The following ACVR1C variants were observed in gnomAD, a reference collection of about 807,000 sequenced individuals.
ACVR1C encodes the protein activin A receptor type 1C.
A neutral mutation model predicts 57.9 loss-of-function variants in ACVR1C; 23 were observed. The observed-to-expected ratio is 0.40, with a 90% CI of 0.29 to 0.56. The LOEUF (loss-of-function observed/expected upper bound fraction) is 0.56, where lower values mean the gene tolerates loss of function less well. ACVR1C is among the 20% of genes least tolerant of loss of function. ACVR1C has a pLI of 0.50. For synonymous variants in ACVR1C, 214 were observed against 215.3 expected (o/e 0.99, Z 0.05); for missense variants, 480 against 607.9 (o/e 0.79, Z 2.21).
At chr2:157,603,804 AT>A (rs1682331543) in intron 1 of ACVR1C, among the ~76,000 whole-genome samples, 1 of 152,144 alleles carries the variant, frequency 6.6e-6, no homozygotes, top group African/African-American at 2.4e-5. Flanking sequence ...ACATTTTAAT[AT>A]GTACAGAAAT....
chr2:157,614,156 A>G (rs1682592433), intron 1 of ACVR1C, among the ~76,000 whole-genome samples: 1 of 152,146 alleles, frequency 6.6e-6, no homozygotes, highest in Non-Finnish European at 1.5e-5. Context: ...ACAAAATGCA[A>G]TATTCCTTTA....
intron 1 of ACVR1C, among the ~76,000 whole-genome samples, chr2:157,600,767 G>A (rs541936237): frequency 2.0e-5 from 3 of 152,274 alleles, no homozygotes; most frequent in African/African-American, 7.2e-5. Context: ...TGATTTGGAA[G>A]GATCTTTTTG....
intron 1 of ACVR1C, among the ~76,000 whole-genome samples, chr2:157,611,573 G>A (rs773759005): frequency 6.6e-6 from 1 of 152,204 alleles, no homozygotes; most frequent in Non-Finnish European, 1.5e-5. Context: ...TAGGCTTGTT[G>A]TGGGCAATGG....
At chr2:157,624,721 G>A (rs571163579) in intron 1 of ACVR1C, among the ~76,000 whole-genome samples, 66 of 152,262 alleles carry the variant, frequency 4.3e-4, no homozygotes, top group Admixed American at 3.9e-3. Context: ...TAGAACAGGC[G>A]AGGGTTTTAG....
At chr2:157,558,363 G>C (rs1204590919) in intron 2 of ACVR1C, among the ~76,000 whole-genome samples, 1 of 152,176 alleles carries the variant, frequency 6.6e-6, no homozygotes, top group Non-Finnish European at 1.5e-5. Flanking sequence ...ATGCTAAAGA[G>C]CTTAATATCT....
intron 2 of ACVR1C, among the ~76,000 whole-genome samples, chr2:157,570,616 T>G (rs1378823201): frequency 3.6e-5 from 2 of 55,950 alleles, no homozygotes; most frequent in African/African-American, 8.1e-5. Context: ...CATTCACAAT[T>G]GCTTCAAAGA....
chr2:157,554,201 G>GAGAGAGAGAAAGAA (rs1553481316), intron 3 of ACVR1C, among the ~76,000 whole-genome samples: 8 of 41,442 alleles, frequency 1.9e-4, no homozygotes, highest in African/African-American at 1.1e-3. Flanking sequence ...ATAAAGAAGA[G>GAGAGAGAGAAAGAA]AGAAAGAAAG....
intron 1 of ACVR1C, among the ~76,000 whole-genome samples, chr2:157,605,829 T>C (rs774148907): frequency 2.0e-5 from 3 of 151,678 alleles, no homozygotes; most frequent in Non-Finnish European, 3.0e-5. Flanking sequence ...CTAGTTACTT[T>C]GAAATATACA....
chr2:157,526,770 G>A lies in ACVR1C; in HGVS notation c.*7148C>T, dbSNP rs1270861384. 2.6e-5 allele frequency: 4 copies of A among 151,926 alleles called. No individual in the cohort carries two copies. The highest frequency in any genetic ancestry group is 4.4e-5 in the Non-Finnish European group (3 of 67,980). 9.4% of individuals were successfully genotyped at this position (151,926 alleles called of 1,614,324 possible). On this transcript the variant is annotated 3_prime_UTR_variant, in exon 9 of 9. Transcript: ENST00000243349. ...CATAATTATATAAAAACCAAAATACGACACATCTTCCTTTATTTAAAATAG... is the reference window on the plus strand; with the variant it reads ...CATAATTATATAAAAACCAAAATACAACACATCTTCCTTTATTTAAAATAG...
At chr2:157,536,484 T>C (rs1190711214) in intron 8 of ACVR1C, among the ~76,000 whole-genome samples, 3 of 152,182 alleles carry the variant, frequency 2.0e-5, no homozygotes, top group African/African-American at 7.2e-5. Context: ...TAATGGAAGA[T>C]AGGTAATAGT....
intron 1 of ACVR1C, among the ~76,000 whole-genome samples, chr2:157,588,407 T>C (rs1453572417): frequency 1.3e-5 from 2 of 151,974 alleles, no homozygotes; most frequent in African/African-American, 4.8e-5. Flanking sequence ...AATAGTATAA[T>C]ACTAAATAAG....
intron 1 of ACVR1C, among the ~76,000 whole-genome samples, chr2:157,602,350 T>C (rs1390252934): frequency 6.6e-6 from 1 of 152,210 alleles, no homozygotes; most frequent in Non-Finnish European, 1.5e-5. Flanking sequence ...AGAAAATTAA[T>C]GCAAAGACAT....
At chr2:157,597,841 T>A (rs920064258) in intron 1 of ACVR1C, among the ~76,000 whole-genome samples, 5 of 152,206 alleles carry the variant, frequency 3.3e-5, no homozygotes, top group Admixed American at 2.0e-4. Context: ...CCTCCACTCG[T>A]GAACGCCCTT....
intron 1 of ACVR1C, among the ~76,000 whole-genome samples, chr2:157,608,487 C>T (rs1044366985): frequency 2.0e-5 from 3 of 151,668 alleles, no homozygotes; most frequent in Non-Finnish European, 4.4e-5. Context: ...CAGGGTATTG[C>T]TGGCCTTAAA....
intron 4 of ACVR1C, among the ~76,000 whole-genome samples, chr2:157,547,937 T>G (rs1250337883): frequency 6.6e-6 from 1 of 151,860 alleles, no homozygotes; most frequent in South Asian, 2.1e-4. Context: ...TCTTCTAGGG[T>G]TTTTATGGTT....
intron 1 of ACVR1C, among the ~76,000 whole-genome samples, chr2:157,599,297 G>A (rs1384359755): frequency 9.2e-6 from 1 of 109,156 alleles, no homozygotes; most frequent in Non-Finnish European, 1.7e-5. Context: ...TGGCGCCACT[G>A]CACTACAGCC....
intron 1 of ACVR1C, among the ~76,000 whole-genome samples, chr2:157,628,023 A>C (rs1207229425): frequency 6.6e-6 from 1 of 152,204 alleles, no homozygotes. Context: ...TGCAAACCAC[A>C]CAGATTTAAG....
At chr2:157,602,227 C>A (rs969165288) in intron 1 of ACVR1C, among the ~76,000 whole-genome samples, 4 of 152,104 alleles carry the variant, frequency 2.6e-5, no homozygotes, top group Non-Finnish European at 4.4e-5. Flanking sequence ...CCCTTTCAAT[C>A]AATTATTTCT....
intron 1 of ACVR1C, among the ~76,000 whole-genome samples, chr2:157,596,379 T>C (rs1682117077): frequency 1.3e-5 from 2 of 152,124 alleles, no homozygotes; most frequent in Admixed American, 1.3e-4. Flanking sequence ...AGAAGTCAAG[T>C]AATACACATA....
Sources: gnomAD v4.1 joint callset for allele counts (sites outside exome capture counted in the v4.1 genomes callset) on GRCh38, gnomAD v4.1.1 for gene constraint, MANE v1.5 for transcripts, NCBI Gene and HGNC (gene_info 2026-07-23, HGNC 2026-07-21) for gene names.